Variants in EXT1 observed in about 807,000 individuals in gnomAD.
The protein encoded by EXT1 is exostosin glycosyltransferase 1.
In EXT1, 20 loss-of-function variants were observed where a neutral mutation model predicts 82.5. The ratio of observed to expected loss-of-function variants is 0.24; its 90% CI spans 0.17 to 0.35. EXT1 has a LOEUF of 0.35. EXT1 is among the 10% of genes least tolerant of loss of function. The pLI is 1.00. For synonymous variants in EXT1, 348 were observed against 350.8 expected, an observed-to-expected ratio of 0.99 and a Z score of 0.09; for missense variants, 757 against 936.5, an observed-to-expected ratio of 0.81 and a Z score of 2.50.
Position 117,945,594 on chromosome 8 carries a change from C to T in EXT1, c.963-108393G>A, listed in dbSNP as rs186570581. Among the ~76,000 whole-genome samples the T allele has an allele frequency of 2.4e-3, 354 of 150,286 alleles. 5 individuals carry two copies. Among genetic ancestry groups the T allele is most frequent in the African/African-American group, 8.2e-3 (336 of 40,804 alleles). On this transcript the variant is annotated intron_variant, in intron 1 of 10. Coordinates refer to ENST00000378204, the MANE Select transcript of EXT1 (RefSeq NM_000127.3). ...TCGGCTCACTGTAACCTCCGCCTCC[C>T]AGGTTCAAGCAATTCTCCATCCTCA...
At chr8:117,943,448 G>T (rs1814325936) in intron 1 of EXT1, among the ~76,000 whole-genome samples, 1 of 151,774 alleles carries the variant, frequency 6.6e-6, no homozygotes, top group African/African-American at 2.4e-5. Flanking sequence ...TTTATGCAAA[G>T]GAATACTATA....
chr8:118,080,381 A>G (rs770091634), intron 1 of EXT1, among the ~76,000 whole-genome samples: 25 of 152,086 alleles, frequency 1.6e-4, no homozygotes, highest in Non-Finnish European at 2.6e-4. Context: ...GATTCAATAT[A>G]TCAAGTCTGG....
chr8:118,065,793 G>A (rs1228229291), intron 1 of EXT1, among the ~76,000 whole-genome samples: 1 of 152,226 alleles, frequency 6.6e-6, no homozygotes, highest in Non-Finnish European at 1.5e-5. Context: ...TATTTAGTGG[G>A]TGGGCATTTT....
At chr8:117,998,381 C>T (rs1586333548) in intron 1 of EXT1, among the ~76,000 whole-genome samples, 1 of 152,154 alleles carries the variant, frequency 6.6e-6, no homozygotes, top group South Asian at 2.1e-4. Context: ...ACAATCATAG[C>T]TCACTGCAGC....
intron 1 of EXT1, among the ~76,000 whole-genome samples, chr8:117,948,297 G>T (rs1321951779): frequency 5.6e-5 from 6 of 107,006 alleles, no homozygotes; most frequent in African/African-American, 2.3e-4. Context: ...GAGGCAGAAA[G>T]AAGTCATTCT....
At chr8:117,910,341 TAC>T (rs1813622677) in intron 1 of EXT1, among the ~76,000 whole-genome samples, 1 of 152,174 alleles carries the variant, frequency 6.6e-6, no homozygotes, top group Admixed American at 6.5e-5. Context: ...TAGGTCACCT[TAC>T]AGATACTGAC....
chr8:117,963,193 G>A (rs1814737387), intron 1 of EXT1, among the ~76,000 whole-genome samples: 1 of 152,150 alleles, frequency 6.6e-6, no homozygotes, highest in Non-Finnish European at 1.5e-5. Context: ...GGTCGTTAGG[G>A]CAGGTGTTAA....
At chr8:117,858,296 G>A (rs1812600290) in intron 1 of EXT1, among the ~76,000 whole-genome samples, 1 of 152,294 alleles carries the variant, frequency 6.6e-6, no homozygotes, top group South Asian at 2.1e-4. Flanking sequence ...TGGAGAAAAC[G>A]ATTCTTTCAT....
chr8:117,961,799 C>T lies in EXT1; in HGVS notation c.963-124598G>A, dbSNP rs575758673. ...TGCACACAGAACAAACTCTTAATGG[C>T]GGGCTGAGCTCCTGCTGCTGGCCTG... is the stretch of plus-strand genomic sequence containing the variant. On this transcript the variant is annotated intron_variant, in intron 1 of 10. Coordinates refer to ENST00000378204, the MANE Select transcript of EXT1 (RefSeq NM_000127.3). Among the ~76,000 whole-genome samples the T allele has an allele frequency of 1.6e-4, 25 of 152,264 alleles. No homozygotes were observed. In the South Asian group the frequency reaches 2.3e-3, roughly 14 times the overall value.
intron 3 of EXT1, chr8:117,831,740 T>C (rs773122779): frequency 1.4e-4 from 64 of 464,008 alleles, no homozygotes; most frequent in Non-Finnish European, 2.5e-4. Flanking sequence ...AGAGTTTCCA[T>C]TGGAGGGGAA....
intron 1 of EXT1, among the ~76,000 whole-genome samples, chr8:118,002,554 C>T (rs865970758): frequency 1.6e-5 from 2 of 122,022 alleles, no homozygotes; most frequent in East Asian, 5.0e-4. Flanking sequence ...TTTTTTGAGA[C>T]AGAGTCTTGC....
Position 117,837,091 on chromosome 8 carries a change from G to C in EXT1, c.1056+17C>G. On this transcript the variant is annotated intron_variant, in intron 2 of 10. Transcript: ENST00000378204. ...CGGTCCTCAGCCCTATTCTGGGAAG[G>C]CTCCAGGGCCTCTTACCTGCAAAGC... 6.2e-7 allele frequency: 1 copy of C among 1,601,276 alleles called. No individual in the cohort carries two copies. The highest frequency in any genetic ancestry group is 8.6e-7 in the Non-Finnish European group (1 of 1,168,450).
chr8:117,892,935 T>C (rs750582757), intron 1 of EXT1, among the ~76,000 whole-genome samples: 6 of 152,126 alleles, frequency 3.9e-5, no homozygotes, highest in African/African-American at 4.8e-5. Flanking sequence ...AGAAGCAACA[T>C]ATTGGGGAGG....
chr8:117,801,243 A>G (rs1232702442), intron 10 of EXT1, among the ~76,000 whole-genome samples: 3 of 152,250 alleles, frequency 2.0e-5, no homozygotes, highest in Non-Finnish European at 4.4e-5. Flanking sequence ...GAATCTCACC[A>G]CAATCTGGTG....
At chr8:117,873,369 A>T (rs1812907516) in intron 1 of EXT1, among the ~76,000 whole-genome samples, 1 of 151,994 alleles carries the variant, frequency 6.6e-6, no homozygotes, top group South Asian at 2.1e-4. Flanking sequence ...ACGAAACTAC[A>T]ATTTCCCATG....
At chr8:117,834,391 G>A (rs1812150486) in intron 3 of EXT1, among the ~76,000 whole-genome samples, 1 of 152,118 alleles carries the variant, frequency 6.6e-6, no homozygotes, top group Non-Finnish European at 1.5e-5. Flanking sequence ...AATCACCTGA[G>A]GTTAGAAGTT....
At chr8:118,108,687 ACTCT>A (rs1325966872) in intron 1 of EXT1, among the ~76,000 whole-genome samples, 1 of 151,660 alleles carries the variant, frequency 6.6e-6, no homozygotes, top group African/African-American at 2.4e-5. Flanking sequence ...TTTCTCCTTC[ACTCT>A]CTATGATCAA....
chr8:118,016,075 G>A (rs1815997174), intron 1 of EXT1, among the ~76,000 whole-genome samples: 2 of 152,202 alleles, frequency 1.3e-5, no homozygotes, highest in Admixed American at 1.3e-4. Flanking sequence ...TCGCATCTGT[G>A]AGAGAATAGA....
In EXT1 at chr8:118,050,056, TA is replaced by T. The variant is rs1292696156; in HGVS notation, c.962+60028del. On this transcript the variant is annotated intron_variant, in intron 1 of 10. Transcript: ENST00000378204. ...TTCTATATACCCATTCACCTTAAGG[TA>T]AAATGACATTTCACAGGGCTAAACG... is the stretch of plus-strand genomic sequence containing the variant. 3.3e-5 allele frequency among the ~76,000 whole-genome samples: 5 copies of T among 152,186 alleles called. No homozygotes were observed. The East Asian group carries it at 9.7e-4, about 30-fold the overall frequency.
Sources: gnomAD v4.1 joint callset for allele counts (sites outside exome capture counted in the v4.1 genomes callset) on GRCh38, gnomAD v4.1.1 for gene constraint, MANE v1.5 for transcripts, NCBI Gene and HGNC (gene_info 2026-07-23, HGNC 2026-07-21) for gene names.